The following RSRC1 variants were observed in gnomAD, a reference collection of about 807,000 sequenced individuals.
The protein encoded by RSRC1 is serine/Arginine-related protein 53.
RSRC1 carries 39 observed loss-of-function variants against 49.1 expected under a neutral mutation model. That is an observed-to-expected ratio of 0.79 (90% CI 0.61 to 1.04). The LOEUF (loss-of-function observed/expected upper bound fraction) is 1.04, where lower values mean the gene tolerates loss of function less well. Among genes scored for constraint, RSRC1 ranks in the 50% least tolerant of loss-of-function variants. RSRC1 has a pLI of 0.00. For synonymous variants in RSRC1, 143 were observed against 130.8 expected (o/e 1.09, Z -0.63); for missense variants, 388 against 402.4 (o/e 0.96, Z 0.31).
At chr3:158,357,676 A>T (rs1731231508) in intron 6 of RSRC1, among the ~76,000 whole-genome samples, 2 of 152,162 alleles carry the variant, frequency 1.3e-5, no homozygotes, top group Non-Finnish European at 2.9e-5. Context: ...GAAGAACTTG[A>T]GACCTGTCTG....
chr3:158,503,184 A>G (rs1428653305), intron 7 of RSRC1, among the ~76,000 whole-genome samples: 5 of 152,084 alleles, frequency 3.3e-5, no homozygotes, highest in Non-Finnish European at 5.9e-5. Flanking sequence ...CAGCAAGTCT[A>G]CCCAGCTCCG....
intron 7 of RSRC1, among the ~76,000 whole-genome samples, chr3:158,476,459 C>G (rs777457203): frequency 6.6e-6 from 1 of 152,102 alleles, no homozygotes; most frequent in Non-Finnish European, 1.5e-5. Context: ...TGACTCTTGT[C>G]AGGGGCTAAT....
chr3:158,518,544 C>T (rs1740732416), intron 7 of RSRC1, among the ~76,000 whole-genome samples: 1 of 151,798 alleles, frequency 6.6e-6, no homozygotes, highest in Non-Finnish European at 1.5e-5. Context: ...TTTAGAAGTA[C>T]CGGTAGAAGT....
chr3:158,489,397 TG>T (rs1349910468), intron 7 of RSRC1, among the ~76,000 whole-genome samples: 1 of 152,252 alleles, frequency 6.6e-6, no homozygotes, highest in Non-Finnish European at 1.5e-5. Flanking sequence ...CCACCTGGTG[TG>T]GAATCTTCAG....
At chr3:158,499,852 T>G (rs1739513281) in intron 7 of RSRC1, among the ~76,000 whole-genome samples, 1 of 152,172 alleles carries the variant, frequency 6.6e-6, no homozygotes, top group South Asian at 2.1e-4. Context: ...TGGATGCCCT[T>G]TATTTCCTTT....
At chr3:158,433,267 T>C (rs1735876395) in intron 6 of RSRC1, among the ~76,000 whole-genome samples, 1 of 152,032 alleles carries the variant, frequency 6.6e-6, no homozygotes, top group African/African-American at 2.4e-5. Flanking sequence ...GTATTTATAT[T>C]GTTTTGTGAA....
intron 6 of RSRC1, among the ~76,000 whole-genome samples, chr3:158,368,505 C>G (rs1731899430): frequency 6.6e-6 from 1 of 152,212 alleles, no homozygotes; most frequent in African/African-American, 2.4e-5. Flanking sequence ...GGAGCAGGTT[C>G]CCTTGACCAT....
chr3:158,360,117 G>A (rs1731386633), intron 6 of RSRC1, among the ~76,000 whole-genome samples: 1 of 152,020 alleles, frequency 6.6e-6, no homozygotes, highest in Non-Finnish European at 1.5e-5. Flanking sequence ...CTGCAGGCAG[G>A]TTGTCCCATC....
intron 6 of RSRC1, among the ~76,000 whole-genome samples, chr3:158,395,496 C>G (rs755995021): frequency 2.0e-5 from 3 of 151,782 alleles, no homozygotes; most frequent in African/African-American, 4.8e-5. Context: ...AAAAAACAAC[C>G]CTATAAAAAA....
chr3:158,516,093 C>G (rs1252738341), intron 7 of RSRC1, among the ~76,000 whole-genome samples: 1 of 152,360 alleles, frequency 6.6e-6, no homozygotes, highest in East Asian at 1.9e-4. Context: ...CTTCTTCTCT[C>G]AGCTCGTCAA....
At chr3:158,385,104 C>T (rs1040382616) in intron 6 of RSRC1, among the ~76,000 whole-genome samples, 10 of 152,072 alleles carry the variant, frequency 6.6e-5, no homozygotes, top group South Asian at 2.1e-4. Flanking sequence ...TAACATAGAA[C>T]ACTCCGCTAT....
chr3:158,481,961 T>C (rs1321331503), intron 7 of RSRC1, among the ~76,000 whole-genome samples: 1 of 151,960 alleles, frequency 6.6e-6, no homozygotes, highest in Admixed American at 6.6e-5. Context: ...AATTAGAAAA[T>C]GAAAGATTAT....
intron 3 of RSRC1, among the ~76,000 whole-genome samples, chr3:158,157,953 T>G (rs540758759): frequency 2.6e-5 from 4 of 152,196 alleles, no homozygotes; most frequent in African/African-American, 9.6e-5. Flanking sequence ...TTTGGATTAC[T>G]GTCGCTTTGG....
intron 7 of RSRC1, among the ~76,000 whole-genome samples, chr3:158,477,904 T>C (rs971198565): frequency 1.3e-5 from 2 of 149,484 alleles, no homozygotes; most frequent in Non-Finnish European, 3.0e-5. Context: ...AATACTTTCC[T>C]GTTTTCTTTT....
At chr3:158,381,849 G>T (rs1732719219) in intron 6 of RSRC1, among the ~76,000 whole-genome samples, 1 of 152,146 alleles carries the variant, frequency 6.6e-6, no homozygotes, top group South Asian at 2.1e-4. Context: ...GGAGTGAGTG[G>T]TGAGTGAATG....
intron 7 of RSRC1, among the ~76,000 whole-genome samples, chr3:158,513,129 C>G (rs1740283873): frequency 6.7e-6 from 1 of 148,326 alleles, no homozygotes; most frequent in East Asian, 1.9e-4. Flanking sequence ...CCTAATTGCC[C>G]TGGGCAGCAC....
chr3:158,532,255 T>A (rs1712441216), intron 7 of RSRC1, among the ~76,000 whole-genome samples: 1 of 151,838 alleles, frequency 6.6e-6, no homozygotes, highest in Admixed American at 6.6e-5. Flanking sequence ...AAGGAGTCAG[T>A]TGAAGTTGCT....
intron 4 of RSRC1, among the ~76,000 whole-genome samples, chr3:158,204,133 A>G (rs1721222125): frequency 6.6e-6 from 1 of 152,136 alleles, no homozygotes; most frequent in Non-Finnish European, 1.5e-5. Context: ...GTTTACTAGG[A>G]TTGCACATAT....
At chr3:158,210,392 C>G (rs577645603) in intron 4 of RSRC1, among the ~76,000 whole-genome samples, 17 of 150,656 alleles carry the variant, frequency 1.1e-4, no homozygotes, top group African/African-American at 4.2e-4. Context: ...ATCTTGTTGC[C>G]TTTCACCAGT....
Sources: allele counts gnomAD v4.1 joint callset (sites outside exome capture counted in the v4.1 genomes callset), GRCh38; gene constraint gnomAD v4.1.1; transcripts MANE v1.5; gene names NCBI Gene and HGNC (gene_info 2026-07-23, HGNC 2026-07-21).